The following ACTR3B variants were observed in gnomAD, a reference collection of about 807,000 sequenced individuals.
The protein encoded by ACTR3B is actin-related protein 3B.
In ACTR3B, 8 loss-of-function variants were observed where a neutral mutation model predicts 59.0. That is an observed-to-expected ratio of 0.14 (90% CI 0.08 to 0.24). The LOEUF (loss-of-function observed/expected upper bound fraction) is 0.24, where lower values mean the gene tolerates loss of function less well. Among genes scored for constraint, ACTR3B ranks in the 10% least tolerant of loss-of-function variants. The pLI, the probability that ACTR3B is intolerant of heterozygous loss-of-function variation, is 1.00. For missense variants in ACTR3B, 245 were observed against 552.3 expected, an observed-to-expected ratio of 0.44 and a Z score of 5.58; for synonymous variants, 148 against 197.9, an observed-to-expected ratio of 0.75 and a Z score of 2.12.
chr7:152,789,185 T>G (rs2098186334), intron 2 of ACTR3B, among the ~76,000 whole-genome samples: 2 of 150,524 alleles, frequency 1.3e-5, no homozygotes, highest in African/African-American at 5.0e-5. Context: ...AGCCCAGGAG[T>G]TTGAGACCAG....
chr7:152,828,287 G>A (rs1796740454), intron 9 of ACTR3B, among the ~76,000 whole-genome samples: 1 of 151,808 alleles, frequency 6.6e-6, no homozygotes, highest in African/African-American at 2.4e-5. Flanking sequence ...TCTGCTCACA[G>A]CCCAGGGTAG....
intron 1 of ACTR3B, among the ~76,000 whole-genome samples, chr7:152,781,334 T>C (rs1253758890): frequency 2.0e-5 from 3 of 151,604 alleles, no homozygotes; most frequent in African/African-American, 7.3e-5. Context: ...TCAGCATCCC[T>C]CTTGCAAATA....
chr7:152,853,134 T>C (rs1319480453), intron 10 of ACTR3B, among the ~76,000 whole-genome samples: 4 of 151,822 alleles, frequency 2.6e-5, no homozygotes, highest in Non-Finnish European at 4.4e-5. Flanking sequence ...TGGTTAATCT[T>C]ATTTGGGATG....
chr7:152,766,452 A>G (rs2098110909), intron 1 of ACTR3B, among the ~76,000 whole-genome samples: 1 of 152,156 alleles, frequency 6.6e-6, no homozygotes, highest in Non-Finnish European at 1.5e-5. Flanking sequence ...CCACTCTAGG[A>G]GCAGTGAACT....
chr7:152,827,288 G>A (rs6976168), intron 9 of ACTR3B, among the ~76,000 whole-genome samples: 2,596 of 151,794 alleles, frequency 0.017, 18 homozygotes, highest in African/African-American at 0.06. Context: ...AGCCGTCTTG[G>A]TTTTTTTGAA....
chr7:152,844,219 A>G (rs1182633435), intron 9 of ACTR3B, among the ~76,000 whole-genome samples: 2 of 151,898 alleles, frequency 1.3e-5, no homozygotes, highest in East Asian at 1.9e-4. Context: ...CACCATGCCC[A>G]GCTAATTTGT....
At chr7:152,826,337 CTT>C (rs1379213406) in intron 9 of ACTR3B, among the ~76,000 whole-genome samples, 1 of 151,426 alleles carries the variant, frequency 6.6e-6, no homozygotes, top group Non-Finnish European at 1.5e-5. Context: ...AATAAAATAT[CTT>C]TGGGGTGGAA....
intron 9 of ACTR3B, among the ~76,000 whole-genome samples, chr7:152,828,912 C>T (rs868545424): frequency 5.3e-5 from 8 of 152,112 alleles, no homozygotes; most frequent in South Asian, 2.1e-4. Flanking sequence ...GCCACACCTG[C>T]GCCTTGAGGT....
intron 9 of ACTR3B, among the ~76,000 whole-genome samples, chr7:152,828,121 A>G (rs1410755936): frequency 1.3e-5 from 2 of 152,160 alleles, no homozygotes; most frequent in Non-Finnish European, 2.9e-5. Flanking sequence ...GTGAGGAGTT[A>G]CTTATGGAAG....
intron 2 of ACTR3B, among the ~76,000 whole-genome samples, chr7:152,794,185 T>A (rs2098207346): frequency 6.6e-6 from 1 of 152,038 alleles, no homozygotes. Context: ...TGTGTGTGTA[T>A]ATGTGTTTTA....
At chr7:152,820,590 G>A (rs1228282213) in intron 7 of ACTR3B, 148 bp downstream of exon 7, 2 of 1,397,918 alleles carry the variant, frequency 1.4e-6, no homozygotes, top group African/African-American at 2.9e-5. Flanking sequence ...CCCTTAAGTG[G>A]GCTGAAGATG....
chr7:152,854,772 T>A lies in ACTR3B; in HGVS notation c.*219T>A. On this transcript the variant is annotated 3_prime_UTR_variant, in exon 12 of 12. Coordinates refer to ENST00000256001, the MANE Select transcript of ACTR3B (RefSeq NM_020445.6). The surrounding 1 kb of genome is among the most constrained non-coding windows in gnomAD (Gnocchi z 4.9). ...CAGCCTCCTCCTTCTCCCGCCCTCC[T>A]CACCCTCGCTCTCCCTCCTCCTCCT... The A allele has an allele frequency of 5.9e-6, 3 of 510,942 alleles. No homozygotes were observed. The South Asian group carries it at 8.0e-5, about 14-fold the overall frequency. 31.7% of individuals were successfully genotyped at this position (510,942 alleles called of 1,614,324 possible). A position where few individuals can be genotyped will look rare whatever the true frequency, so the allele number is the denominator to read the frequency against.
chr7:152,814,690 T>C (rs1795543424), intron 5 of ACTR3B, 45 bp downstream of exon 5: 4 of 1,494,342 alleles, frequency 2.7e-6, no homozygotes, highest in East Asian at 4.5e-5. Flanking sequence ...CTGAGCTGTC[T>C]AGTAGCGGAA....
At chr7:152,800,759 T>C (rs2098233105) in intron 3 of ACTR3B, 104 bp downstream of exon 3, 1 of 1,392,004 alleles carries the variant, frequency 7.2e-7, no homozygotes, top group Non-Finnish European at 9.7e-7. Flanking sequence ...GAATGTGTTA[T>C]GTTTGAATTC....
At chr7:152,849,807 G>A (rs1798649296) in intron 9 of ACTR3B, among the ~76,000 whole-genome samples, 1 of 152,242 alleles carries the variant, frequency 6.6e-6, no homozygotes, top group African/African-American at 2.4e-5. Context: ...GTAATCAGAG[G>A]TGAAATTTCT....
intron 9 of ACTR3B, among the ~76,000 whole-genome samples, chr7:152,833,760 A>G (rs1301731182): frequency 6.6e-6 from 1 of 152,214 alleles, no homozygotes; most frequent in Non-Finnish European, 1.5e-5. Flanking sequence ...TGTGGCGTTT[A>G]TAATGGTATG....
At chr7:152,804,989 G>T (rs916703703) in intron 4 of ACTR3B, among the ~76,000 whole-genome samples, 8 of 152,154 alleles carry the variant, frequency 5.3e-5, no homozygotes, top group Non-Finnish European at 1.5e-5. Flanking sequence ...AGGAGCCCGG[G>T]CAGACATTGT....
chr7:152,799,629 C>T (rs1320458750), intron 2 of ACTR3B, among the ~76,000 whole-genome samples: 2 of 152,200 alleles, frequency 1.3e-5, no homozygotes, highest in Non-Finnish European at 2.9e-5. Flanking sequence ...AATTGTAATT[C>T]ATCCAGAAAA....
chr7:152,802,894 T>C (rs1269197693), intron 4 of ACTR3B, among the ~76,000 whole-genome samples: 7 of 152,340 alleles, frequency 4.6e-5, no homozygotes, highest in Non-Finnish European at 5.9e-5. Flanking sequence ...ATAACGAATA[T>C]ATGTATTTAA....
Sources: allele counts gnomAD v4.1 joint callset (sites outside exome capture counted in the v4.1 genomes callset), GRCh38; gene constraint gnomAD v4.1.1; non-coding constraint Gnocchi (gnomAD v3.1); transcripts MANE v1.5; gene names NCBI Gene and HGNC (gene_info 2026-07-23, HGNC 2026-07-21).